Variants in TMEM132D observed in about 807,000 individuals in gnomAD.
TMEM132D encodes mature OL transmembrane protein.
TMEM132D carries 21 observed loss-of-function variants against 62.3 expected under a neutral mutation model. The ratio of observed to expected loss-of-function variants is 0.34; its 90% CI spans 0.24 to 0.49. The LOEUF (loss-of-function observed/expected upper bound fraction) is 0.49. Among genes scored for constraint, TMEM132D ranks in the 20% least tolerant of loss-of-function variants. The probability of loss-of-function intolerance (pLI) is 0.99; values close to 1 mark genes in which losing one functional copy is unlikely to be tolerated. For synonymous variants in TMEM132D, 621 were observed against 575.6 expected (o/e 1.08, Z -1.13); for missense variants, 1,346 against 1,402.8 (o/e 0.96, Z 0.65).
chr12:129,216,084 C>T (rs755146738), intron 4 of TMEM132D, among the ~76,000 whole-genome samples: 7 of 152,180 alleles, frequency 4.6e-5, no homozygotes, highest in Non-Finnish European at 8.8e-5. Context: ...CGTTTGAATC[C>T]TGGTTGTGAC....
At chr12:129,688,748 C>T (rs12423931) in intron 2 of TMEM132D, among the ~76,000 whole-genome samples, 3,305 of 152,002 alleles carry the variant, frequency 0.022, 172 homozygotes, top group South Asian at 0.12. Context: ...ATCAAGTCTT[C>T]TGCCTTATGG....
intron 1 of TMEM132D, among the ~76,000 whole-genome samples, chr12:129,887,172 G>A (rs1009967915): frequency 6.6e-6 from 1 of 152,100 alleles, no homozygotes; most frequent in African/African-American, 2.4e-5. Flanking sequence ...AGTAACCAGG[G>A]GGAAAACATA....
intron 2 of TMEM132D, among the ~76,000 whole-genome samples, chr12:129,587,052 A>C (rs1421710108): frequency 6.6e-6 from 1 of 152,246 alleles, no homozygotes; most frequent in Non-Finnish European, 1.5e-5. Context: ...TAAAAAATGT[A>C]AAAATAGCAT....
intron 4 of TMEM132D, among the ~76,000 whole-genome samples, chr12:129,273,980 G>T (rs1043869719): frequency 6.6e-6 from 1 of 151,614 alleles, no homozygotes; most frequent in Non-Finnish European, 1.5e-5. Context: ...TTATGTTGCT[G>T]CTTGTAGGTA....
intron 4 of TMEM132D, among the ~76,000 whole-genome samples, chr12:129,221,712 A>C (rs1308845766): frequency 6.6e-6 from 1 of 152,166 alleles, no homozygotes; most frequent in Non-Finnish European, 1.5e-5. Flanking sequence ...CCCAACAAAG[A>C]TCAGTAACCT....
chr12:129,662,390 G>C (rs1766770977), intron 2 of TMEM132D, among the ~76,000 whole-genome samples: 1 of 152,180 alleles, frequency 6.6e-6, no homozygotes, highest in African/African-American at 2.4e-5. Flanking sequence ...CGAGGTTCAA[G>C]CATGCCAGCC....
chr12:129,137,059 C>T (rs972076583), intron 5 of TMEM132D, among the ~76,000 whole-genome samples: 1 of 151,580 alleles, frequency 6.6e-6, no homozygotes, highest in African/African-American at 2.4e-5. Context: ...TCATCGCCGT[C>T]ATCATTACCA....
chr12:129,820,108 G>A (rs1049198195), intron 1 of TMEM132D, among the ~76,000 whole-genome samples: 6 of 152,096 alleles, frequency 3.9e-5, no homozygotes, highest in African/African-American at 9.7e-5. Flanking sequence ...CTTACCTTCC[G>A]CATGGAAGTT....
chr12:129,536,000 T>C lies in TMEM132D; in HGVS notation c.969-4795A>G, dbSNP rs116600026. 6.2e-3 allele frequency among the ~76,000 whole-genome samples: 951 copies of C among 152,282 alleles called. 15 individuals are homozygous for C. The highest frequency in any genetic ancestry group is 0.022 in the African/African-American group (904 of 41,550). On this transcript the variant is annotated intron_variant, in intron 2 of 8. Coordinates refer to ENST00000422113, the MANE Select transcript of TMEM132D (RefSeq NM_133448.3). ...ATTGGCTAATCAGCTATCCGCAGGCTAATACTGGCTTTAATCAATAACTGA... is the reference window on the plus strand; with the variant it reads ...ATTGGCTAATCAGCTATCCGCAGGCCAATACTGGCTTTAATCAATAACTGA...
intron 2 of TMEM132D, among the ~76,000 whole-genome samples, chr12:129,636,737 T>TGTGTGAGAGAGAGAGA (rs375868329): frequency 7.0e-5 from 8 of 113,634 alleles, no homozygotes; most frequent in South Asian, 3.8e-4. Flanking sequence ...TGTGTGTGTG[T>TGTGTGAGAGAGAGAGA]GAGAGAGAGA....
At chr12:129,169,677 G>A (rs1412489362) in intron 5 of TMEM132D, among the ~76,000 whole-genome samples, 1 of 152,078 alleles carries the variant, frequency 6.6e-6, no homozygotes, top group Non-Finnish European at 1.5e-5. Context: ...TCATCAAGAC[G>A]AGGGGCTGAG....
intron 4 of TMEM132D, among the ~76,000 whole-genome samples, chr12:129,301,770 G>A (rs978902559): frequency 3.3e-5 from 5 of 152,080 alleles, no homozygotes; most frequent in Non-Finnish European, 7.4e-5. Context: ...TTACAAATGA[G>A]GAAACTGAGG....
intron 3 of TMEM132D, among the ~76,000 whole-genome samples, chr12:129,380,840 G>C (rs1479535847): frequency 6.6e-6 from 1 of 152,148 alleles, no homozygotes; most frequent in Non-Finnish European, 1.5e-5. Flanking sequence ...TTTAGAACTA[G>C]AATTTTTTTT....
intron 1 of TMEM132D, among the ~76,000 whole-genome samples, chr12:129,831,682 G>C (rs1180651477): frequency 6.6e-6 from 1 of 152,114 alleles, no homozygotes; most frequent in Non-Finnish European, 1.5e-5. Flanking sequence ...GTAGGAAACA[G>C]AGCTGGATTC....
intron 3 of TMEM132D, among the ~76,000 whole-genome samples, chr12:129,410,302 AT>A (rs1476710297): frequency 3.3e-5 from 5 of 152,318 alleles, no homozygotes; most frequent in Admixed American, 3.3e-4. Context: ...TCTCACACTG[AT>A]GATAAAGACA....
At chr12:129,896,725 C>T (rs753505416) in intron 1 of TMEM132D, among the ~76,000 whole-genome samples, 10 of 152,180 alleles carry the variant, frequency 6.6e-5, no homozygotes, top group Non-Finnish European at 1.5e-4. Flanking sequence ...TATTTATATA[C>T]TTTACTTACT....
chr12:129,400,032 T>A (rs1871572026), intron 3 of TMEM132D, among the ~76,000 whole-genome samples: 1 of 152,122 alleles, frequency 6.6e-6, no homozygotes, highest in African/African-American at 2.4e-5. Flanking sequence ...AAAGAAAAAT[T>A]ACAATTTTCT....
chr12:129,509,355 C>T lies in TMEM132D; in HGVS notation c.1115+21704G>A, dbSNP rs146045401. Among the ~76,000 whole-genome samples the T allele has an allele frequency of 4.6e-3, 706 of 152,188 alleles. 5 individuals are homozygous for T. Among genetic ancestry groups the T allele is most frequent in the African/African-American group, 0.016 (655 of 41,526 alleles). On this transcript the variant is annotated intron_variant, in intron 3 of 8. Coordinates refer to ENST00000422113, the MANE Select transcript of TMEM132D (RefSeq NM_133448.3). ...CCTTAGTTTTTAATTTTTGTGGGTA[C>T]ATACTAGGTATATATGTTTATGGGG... is the stretch of plus-strand genomic sequence containing the variant.
intron 3 of TMEM132D, among the ~76,000 whole-genome samples, chr12:129,498,867 C>T (rs989630137): frequency 6.6e-6 from 1 of 152,168 alleles, no homozygotes; most frequent in Non-Finnish European, 1.5e-5. Flanking sequence ...ACTCCAAAAA[C>T]AACTAAAATT....
Sources: gnomAD v4.1 joint callset for allele counts (sites outside exome capture counted in the v4.1 genomes callset) on GRCh38, gnomAD v4.1.1 for gene constraint, MANE v1.5 for transcripts, NCBI Gene and HGNC (gene_info 2026-07-23, HGNC 2026-07-21) for gene names.